KCNMA1: variants seen among roughly 807,000 people sequenced by gnomAD.
The protein encoded by KCNMA1 is potassium calcium-activated channel subfamily M alpha 1.
Under a neutral mutation model 140.0 loss-of-function variants are expected in KCNMA1, and 29 were observed. The ratio of observed to expected loss-of-function variants is 0.21; its 90% confidence interval spans 0.15 to 0.28. The LOEUF is 0.28. Among genes scored for constraint, KCNMA1 ranks in the 10% least tolerant of loss-of-function variants. The pLI is 1.00. For missense variants in KCNMA1, 880 were observed against 1,602.2 expected (o/e 0.55, Z 7.70); for synonymous variants, 612 against 611.9 (o/e 1.00, Z 0.00).
intron 2 of KCNMA1, among the ~76,000 whole-genome samples, chr10:77,281,294 A>G (rs1272083073): frequency 3.3e-5 from 5 of 152,152 alleles, no homozygotes; most frequent in Admixed American, 2.0e-4. Context: ...GCATTAGAAA[A>G]AAAGTACTCT....
At chr10:77,588,498 G>A (rs141590918) in intron 1 of KCNMA1, among the ~76,000 whole-genome samples, 40 of 152,264 alleles carry the variant, frequency 2.6e-4, no homozygotes, top group African/African-American at 9.4e-4. Context: ...AATGACAGGT[G>A]TTTACTTTAG....
chr10:77,205,473 T>C (rs2154164540), intron 3 of KCNMA1, among the ~76,000 whole-genome samples: 1 of 152,314 alleles, frequency 6.6e-6, no homozygotes, highest in East Asian at 1.9e-4. Flanking sequence ...GGAGTGTGGG[T>C]GAGGATTTTA....
intron 2 of KCNMA1, among the ~76,000 whole-genome samples, chr10:77,399,902 G>A (rs1025544039): frequency 2.0e-5 from 3 of 152,146 alleles, no homozygotes; most frequent in South Asian, 2.1e-4. Flanking sequence ...GGTTGTATTG[G>A]CAAATTCTTC....
intron 17 of KCNMA1, among the ~76,000 whole-genome samples, chr10:77,015,009 C>T (rs2091717493): frequency 6.6e-6 from 1 of 152,164 alleles, no homozygotes; most frequent in South Asian, 2.1e-4. Flanking sequence ...TTGGGATCTA[C>T]CCCATTCTCC....
At chr10:77,211,379 T>C in intron 3 of KCNMA1, among the ~76,000 whole-genome samples, 1 of 152,118 alleles carries the variant, frequency 6.6e-6, no homozygotes, top group Admixed American at 6.6e-5. Flanking sequence ...AAATAAATGG[T>C]GTGGGTATAA....
intron 2 of KCNMA1, among the ~76,000 whole-genome samples, chr10:77,367,453 C>T (rs546586596): frequency 6.6e-6 from 1 of 152,036 alleles, no homozygotes; most frequent in South Asian, 2.1e-4. Flanking sequence ...ACTTGTGTTC[C>T]CAAGAGCCCC....
chr10:76,877,171 G>A (rs1167870518), downstream of KCNMA1: 1 of 152,976 alleles, frequency 6.5e-6, no homozygotes, highest in African/African-American at 2.4e-5. Context: ...AAGAGCTGGT[G>A]TCAATGCAGA....
intron 2 of KCNMA1, among the ~76,000 whole-genome samples, chr10:77,343,125 C>T (rs1487765133): frequency 6.6e-6 from 1 of 151,994 alleles, no homozygotes; most frequent in African/African-American, 2.4e-5. Context: ...CCAGGGGACC[C>T]CAGGTGAGCA....
intron 12 of KCNMA1, among the ~76,000 whole-genome samples, chr10:77,080,484 G>C (rs1205425439): frequency 6.6e-6 from 1 of 152,176 alleles, no homozygotes; most frequent in African/African-American, 2.4e-5. Flanking sequence ...AGCAGCCAGG[G>C]CTATCCTGAG....
intron 29 of KCNMA1, among the ~76,000 whole-genome samples, chr10:76,879,315 TTGC>T (rs2033566991): frequency 6.6e-6 from 1 of 152,118 alleles, no homozygotes; most frequent in South Asian, 2.1e-4. Flanking sequence ...CACAGGAAAC[TTGC>T]TGCCTCTTGC....
intron 1 of KCNMA1, among the ~76,000 whole-genome samples, chr10:77,604,097 G>A (rs2083565761): frequency 6.6e-6 from 1 of 152,226 alleles, no homozygotes; most frequent in East Asian, 1.9e-4. Flanking sequence ...GATTCTCCAG[G>A]TTGCCCTGTG....
chr10:76,989,833 G>C (rs866242846), intron 19 of KCNMA1, among the ~76,000 whole-genome samples: 47 of 149,288 alleles, frequency 3.1e-4, no homozygotes, highest in Middle Eastern at 3.5e-3. Flanking sequence ...CACTAGTTAT[G>C]GTTAAAGTGG....
At chr10:77,480,583 CT>C (rs1440654359) in intron 1 of KCNMA1, among the ~76,000 whole-genome samples, 8 of 152,190 alleles carry the variant, frequency 5.3e-5, no homozygotes, top group Non-Finnish European at 8.8e-5. Flanking sequence ...CAATGATATC[CT>C]TTAAGTCTAA....
intron 1 of KCNMA1, among the ~76,000 whole-genome samples, chr10:77,474,318 T>A (rs1171989502): frequency 6.6e-6 from 1 of 152,242 alleles, no homozygotes; most frequent in African/African-American, 2.4e-5. Flanking sequence ...AACAGGTGAT[T>A]ATGGTTAAAT....
At position 76,970,299 on chromosome 10, in the gene KCNMA1, CTAAAACAGTTTG is replaced by C. The variant is rs995996850; in HGVS notation, c.2267-244_2267-233del. 23 of 378,690 alleles carry C rather than the reference CTAAAACAGTTTG, an allele frequency of 6.1e-5. 1 individual carries two copies. The highest frequency in any genetic ancestry group is 8.7e-5 in the Non-Finnish European group (18 of 207,188). The allele number at this position is 378,690 out of a possible 1,614,324, so 23.5% of individuals were successfully genotyped here. A position where few individuals can be genotyped will look rare whatever the true frequency, so the allele number is the denominator to read the frequency against. ...CCTTTGAACATACACTTTAAACAGACTAAAACAGTTTGTAAACACCCTGCCATAAGAAAAAAA... is the reference window on the plus strand; with the variant it reads ...CCTTTGAACATACACTTTAAACAGACTAAACACCCTGCCATAAGAAAAAAA... On this transcript the variant is annotated intron_variant, in intron 19 of 27. Transcript: ENST00000286628.
intron 23 of KCNMA1, among the ~76,000 whole-genome samples, chr10:76,923,428 CAAAAAAAAAAA>C (rs926235292): frequency 1.5e-4 from 13 of 89,198 alleles, no homozygotes; most frequent in Non-Finnish European, 2.0e-4. Context: ...GACTCCGTCT[CAAAAAAAAAAA>C]AAAAAAGAAA....
chr10:77,587,906 G>C (rs1438458323), intron 1 of KCNMA1: 1 of 972,334 alleles, frequency 1.0e-6, no homozygotes, highest in South Asian at 4.8e-5. Context: ...CTGCCTTCAA[G>C]ATGTTTATAG....
chr10:77,414,464 G>T (rs1464902629), intron 1 of KCNMA1, among the ~76,000 whole-genome samples: 1 of 150,870 alleles, frequency 6.6e-6, no homozygotes, highest in Non-Finnish European at 1.5e-5. Context: ...CAAGAAGCCT[G>T]CAAGATAGGA....
At chr10:77,081,540 C>T (rs1238979377) in intron 12 of KCNMA1, among the ~76,000 whole-genome samples, 6 of 152,116 alleles carry the variant, frequency 3.9e-5, no homozygotes, top group Non-Finnish European at 8.8e-5. Context: ...CCCACTTCAC[C>T]CCTTTTAGTG....
Sources: allele counts gnomAD v4.1 joint callset (sites outside exome capture counted in the v4.1 genomes callset), GRCh38; gene constraint gnomAD v4.1.1; transcripts MANE v1.5; gene names NCBI Gene and HGNC (gene_info 2026-07-23, HGNC 2026-07-21).